SYT17: variants seen among roughly 807,000 people sequenced by gnomAD.
SYT17 encodes the protein synaptotagmin-17.
A neutral mutation model predicts 46.7 loss-of-function variants in SYT17; 22 were observed. The observed-to-expected ratio is 0.47, with a 90% CI of 0.34 to 0.67. The LOEUF (loss-of-function observed/expected upper bound fraction) is 0.67, where lower values mean the gene tolerates loss of function less well. Ranked by LOEUF, SYT17 falls within the 30% of genes least tolerant of loss-of-function variation. The pLI, the probability that SYT17 is intolerant of heterozygous loss-of-function variation, is 0.01. For missense variants in SYT17, 519 were observed against 612.8 expected (o/e 0.85, Z 1.62); for synonymous variants, 251 against 248.4 (o/e 1.01, Z -0.10).
At chr16:19,202,213 T>C (rs563586382) in intron 5 of SYT17, among the ~76,000 whole-genome samples, 23 of 152,260 alleles carry the variant, frequency 1.5e-4, no homozygotes, top group African/African-American at 5.3e-4. Context: ...AGCCCCAGGG[T>C]GCCACCTGTA....
At chr16:19,188,697 G>A (rs1290055918) in intron 5 of SYT17, among the ~76,000 whole-genome samples, 2 of 152,130 alleles carry the variant, frequency 1.3e-5, no homozygotes, top group African/African-American at 4.8e-5. Context: ...CAGGCCTGGA[G>A]GCAAGGAGTC....
In SYT17 at chr16:19,173,576, G is replaced by C; in HGVS notation, c.180G>C (p.Trp60Cys). 6.2e-7 allele frequency: 1 copy of C among 1,613,056 alleles called. No individual in the cohort carries two copies. Among genetic ancestry groups the C allele is most frequent in the Middle Eastern group, 1.7e-4 (1 of 6,042 alleles). ...LGPFPAQTPP[W>C]LMASRSSDKD... ...CTTTCCCTGCTCAGACCCCTCCCTGGCTGTAAGTAAAACTGCTCTGAACTT... is the reference window on the plus strand; with the variant it reads ...CTTTCCCTGCTCAGACCCCTCCCTGCCTGTAAGTAAAACTGCTCTGAACTT... The change falls in exon 3 of 8, where the codon TGG (tryptophan) becomes TGC (cysteine). Residue 60 changes from tryptophan to cysteine, a missense_variant and splice_region_variant. Transcript: ENST00000355377.
chr16:19,240,286 G>A (rs1319496014), intron 7 of SYT17, among the ~76,000 whole-genome samples: 2 of 152,136 alleles, frequency 1.3e-5, no homozygotes, highest in Non-Finnish European at 2.9e-5. Context: ...GACAAGTGGA[G>A]GGTGAGCAAG....
At chr16:19,191,592 A>G (rs1965022738) in intron 5 of SYT17, among the ~76,000 whole-genome samples, 1 of 152,214 alleles carries the variant, frequency 6.6e-6, no homozygotes, top group Non-Finnish European at 1.5e-5. Context: ...TAAGACAGTG[A>G]GGAAGTGTAC....
chr16:19,211,976 G>A (rs149950483), intron 5 of SYT17, among the ~76,000 whole-genome samples: 151 of 152,286 alleles, frequency 9.9e-4, no homozygotes, highest in African/African-American at 3.6e-3. Flanking sequence ...CGGTTGGTGA[G>A]TGAAGTCTCA....
At chr16:19,196,302 G>T in intron 5 of SYT17, among the ~76,000 whole-genome samples, 1 of 151,696 alleles carries the variant, frequency 6.6e-6, no homozygotes, top group Non-Finnish European at 1.5e-5. Flanking sequence ...GAGTGCAATG[G>T]CATGATCTCG....
At chr16:19,214,600 G>A (rs1159362432) in intron 5 of SYT17, among the ~76,000 whole-genome samples, 1 of 152,080 alleles carries the variant, frequency 6.6e-6, no homozygotes, top group Non-Finnish European at 1.5e-5. Flanking sequence ...TCCCTAGATT[G>A]TTAGAGCCGA....
intron 7 of SYT17, among the ~76,000 whole-genome samples, chr16:19,260,260 C>G (rs374357191): frequency 7.3e-6 from 1 of 137,616 alleles, no homozygotes; most frequent in Admixed American, 8.2e-5. Context: ...GAGGCCAAGG[C>G]GGGAAGATCA....
At chr16:19,231,294 G>A (rs1414154125) in intron 7 of SYT17, among the ~76,000 whole-genome samples, 1 of 152,038 alleles carries the variant, frequency 6.6e-6, no homozygotes, top group Non-Finnish European at 1.5e-5. Context: ...CTGTATGCTG[G>A]GCACAGTGGC....
intron 3 of SYT17, among the ~76,000 whole-genome samples, chr16:19,176,212 G>A (rs1964307842): frequency 6.6e-6 from 1 of 152,186 alleles, no homozygotes; most frequent in Admixed American, 6.5e-5. Flanking sequence ...CCATGTGGCA[G>A]CACTAGACTT....
At chr16:19,253,118 A>C (rs1228745557) in intron 7 of SYT17, among the ~76,000 whole-genome samples, 1 of 152,214 alleles carries the variant, frequency 6.6e-6, no homozygotes, top group East Asian at 1.9e-4. Flanking sequence ...TTTGTAAATA[A>C]AGTTTTATTG....
intron 1 of SYT17, 151 bp from the exon 2 acceptor site, chr16:19,172,609 A>G (rs1483302857): frequency 6.5e-7 from 1 of 1,531,620 alleles, no homozygotes; most frequent in South Asian, 1.2e-5. Flanking sequence ...CTCCCTTCCC[A>G]GGATGGTAAG....
chr16:19,191,313 C>G (rs1027324215), intron 5 of SYT17, among the ~76,000 whole-genome samples: 1 of 152,152 alleles, frequency 6.6e-6, no homozygotes, highest in Non-Finnish European at 1.5e-5. Context: ...ATTCAGACGG[C>G]CTTTGGGGCG....
rs539553845 is a variant in SYT17 at position 19,203,912 on chromosome 16, G to A, written c.952-19133G>A. On this transcript the variant is annotated intron_variant, in intron 5 of 7. Transcript: ENST00000355377. ...CCTGGCACATAGTTTTACCGTGTGG[G>A]CAATGGTGCAACATAAGATTGACGG... 1.4e-4 allele frequency among the ~76,000 whole-genome samples: 22 copies of A among 152,346 alleles called. No individual in the cohort carries two copies. In the South Asian group the frequency reaches 3.9e-3, roughly 27 times the overall value.
chr16:19,193,827 C>T (rs1245162784), intron 5 of SYT17, among the ~76,000 whole-genome samples: 20 of 152,186 alleles, frequency 1.3e-4, no homozygotes, highest in Admixed American at 1.3e-3. Flanking sequence ...GCATGGGTTG[C>T]AGGATGCTCC....
intron 5 of SYT17, among the ~76,000 whole-genome samples, chr16:19,198,399 G>A (rs1965336439): frequency 6.6e-6 from 1 of 152,136 alleles, no homozygotes; most frequent in Admixed American, 6.5e-5. Context: ...TTAATTTTCA[G>A]GTCAGAGCCA....
chr16:19,223,017 A>C (rs752704381), intron 5 of SYT17, 28 bp from the exon 6 acceptor site: 3 of 1,613,010 alleles, frequency 1.9e-6, no homozygotes, highest in Non-Finnish European at 2.5e-6. Flanking sequence ...GGAGAAGGCA[A>C]CTTCCTGATC....
At chr16:19,263,199 C>T (rs1365671458) in intron 7 of SYT17, among the ~76,000 whole-genome samples, 1 of 152,074 alleles carries the variant, frequency 6.6e-6, no homozygotes, top group African/African-American at 2.4e-5. Flanking sequence ...ATTTTTATCA[C>T]CCCAAAAAGG....
intron 7 of SYT17, among the ~76,000 whole-genome samples, chr16:19,248,887 C>G (rs1355843879): frequency 6.6e-6 from 1 of 151,956 alleles, no homozygotes; most frequent in Non-Finnish European, 1.5e-5. Flanking sequence ...AGTACACATA[C>G]ACATGGCCGA....
Sources: gnomAD v4.1 joint callset for allele counts (sites outside exome capture counted in the v4.1 genomes callset) on GRCh38, gnomAD v4.1.1 for gene constraint, MANE v1.5 for transcripts, NCBI Gene and HGNC (gene_info 2026-07-23, HGNC 2026-07-21) for gene names.